The following DENND5B variants were observed in gnomAD, a reference collection of about 807,000 sequenced individuals.
DENND5B encodes DENN domain containing 5B.
In DENND5B, 34 loss-of-function variants were observed where a neutral mutation model predicts 140.6. That is an observed-to-expected ratio of 0.24 (90% CI 0.18 to 0.32). DENND5B has a LOEUF of 0.32. Ranked by LOEUF, DENND5B falls within the 10% of genes least tolerant of loss-of-function variation. The pLI is 1.00. For synonymous variants in DENND5B, 551 were observed against 562.1 expected, an observed-to-expected ratio of 0.98 and a Z score of 0.28; for missense variants, 1,142 against 1,560.2, an observed-to-expected ratio of 0.73 and a Z score of 4.52.
intron 7 of DENND5B, among the ~76,000 whole-genome samples, chr12:31,437,133 C>T (rs989009834): frequency 7.5e-6 from 1 of 132,482 alleles, no homozygotes; most frequent in Admixed American, 9.7e-5. Context: ...TCTACTATAG[C>T]ACCTGCCCCC....
chr12:31,573,687 A>C (rs1339675737), intron 1 of DENND5B, among the ~76,000 whole-genome samples: 1 of 152,226 alleles, frequency 6.6e-6, no homozygotes, highest in African/African-American at 2.4e-5. Flanking sequence ...AAATCTACAG[A>C]AGCTCTGGGG....
chr12:31,413,022 G>C (rs1407975561), intron 13 of DENND5B, among the ~76,000 whole-genome samples: 2 of 152,078 alleles, frequency 1.3e-5, no homozygotes, highest in African/African-American at 4.8e-5. Context: ...CCAAGTTCAA[G>C]TGATTCTCCT....
rs1488924232 is a variant in DENND5B at position 31,386,655 on chromosome 12, G to C, written c.*948C>G. 2 of 152,244 alleles carry C rather than the reference G, an allele frequency of 1.3e-5. No individual in the cohort carries two copies. The highest frequency in any genetic ancestry group is 2.9e-5 in the Non-Finnish European group (2 of 68,066). The allele number at this position is 152,244 out of a possible 1,614,324, so 9.4% of individuals were successfully genotyped here. A position where few individuals can be genotyped will look rare whatever the true frequency, so the allele number is the denominator to read the frequency against. On this transcript the variant is annotated 3_prime_UTR_variant, in exon 21 of 21. Coordinates refer to ENST00000389082, the MANE Select transcript of DENND5B (RefSeq NM_144973.4). ...TTCCCGAGGGGGGATGGGCCCTGGA[G>C]AGGTGGGTGATTAGACCCTAACAAA... is the stretch of plus-strand genomic sequence containing the variant.
Position 31,387,305 on chromosome 12 carries a change from T to A in DENND5B, c.*298A>T, listed in dbSNP as rs1218586717. On this transcript the variant is annotated 3_prime_UTR_variant, in exon 21 of 21. Transcript: ENST00000389082. The stretch of plus-strand genomic sequence containing the variant: ...CCCCCAACATTTTTAAGCTACTTAT[T>A]TTAAGTCACAGGAATATTCAATCTA... The A allele has an allele frequency of 4.6e-6, 1 of 218,482 alleles. No individual in the cohort carries two copies. The highest frequency in any genetic ancestry group is 1.0e-4 in the East Asian group (1 of 10,050). The allele number at this position is 218,482 out of a possible 1,614,324, so 13.5% of individuals were successfully genotyped here. A position where few individuals can be genotyped will look rare whatever the true frequency, so the allele number is the denominator to read the frequency against.
At chr12:31,584,309 T>C (rs1399499432) in intron 1 of DENND5B, among the ~76,000 whole-genome samples, 2 of 152,232 alleles carry the variant, frequency 1.3e-5, no homozygotes, top group Non-Finnish European at 2.9e-5. Context: ...CAGTTGTCTA[T>C]GCTGGTGTGT....
At chr12:31,494,134 TA>T (rs1172941230) in intron 2 of DENND5B, among the ~76,000 whole-genome samples, 3 of 150,770 alleles carry the variant, frequency 2.0e-5, no homozygotes, top group Admixed American at 2.0e-4. Flanking sequence ...ACTATCTCTC[TA>T]TCTTCTATCT....
chr12:31,577,091 A>G (rs534825812), intron 1 of DENND5B, among the ~76,000 whole-genome samples: 3 of 152,340 alleles, frequency 2.0e-5, no homozygotes, highest in South Asian at 2.1e-4. Flanking sequence ...AGAGAAAAAA[A>G]GTACAAAAGC....
intron 1 of DENND5B, among the ~76,000 whole-genome samples, chr12:31,518,733 T>C (rs1947769981): frequency 6.6e-6 from 1 of 151,760 alleles, no homozygotes; most frequent in African/African-American, 2.4e-5. Flanking sequence ...TAGCTAATTT[T>C]CTGGGTTTTT....
intron 12 of DENND5B, among the ~76,000 whole-genome samples, chr12:31,414,685 C>A (rs1942629572): frequency 6.6e-6 from 1 of 152,006 alleles, no homozygotes; most frequent in South Asian, 2.1e-4. Flanking sequence ...GTAATCCCAG[C>A]ACTTTGGACG....
intron 3 of DENND5B, among the ~76,000 whole-genome samples, chr12:31,468,774 T>C (rs553415037): frequency 6.6e-6 from 1 of 152,122 alleles, no homozygotes; most frequent in Non-Finnish European, 1.5e-5. Context: ...ATCGTGCTAC[T>C]GCACTCCAGG....
Position 31,572,554 on chromosome 12 carries a change from A to C in DENND5B, c.127+18152T>G, listed in dbSNP as rs1949864811. Among the ~76,000 whole-genome samples, 4 of 152,152 alleles carry C rather than the reference A, an allele frequency of 2.6e-5. No individual in the cohort carries two copies. The East Asian group carries it at 5.8e-4, about 22-fold the overall frequency. ...TACTCTTTCTCAAAAAAAAAAAAAA[A>C]AAAAAACTCACGAGTTATTAACACA... On this transcript the variant is annotated intron_variant, in intron 1 of 20. Transcript: ENST00000389082.
Position 31,382,460 on chromosome 12 carries a change from TAAAAA to T in DENND5B, c.*5138_*5142del, listed in dbSNP as rs76335051. Reference sequence around the variant, plus strand: ...ATAATTTAAATTCAGAAAAGCTAATTAAAAAAAAGATACACAGGTTACATTTATAC... The same window carrying T: ...ATAATTTAAATTCAGAAAAGCTAATTAAAGATACACAGGTTACATTTATAC... On this transcript the variant is annotated 3_prime_UTR_variant, in exon 21 of 21. Coordinates refer to ENST00000389082, the MANE Select transcript of DENND5B (RefSeq NM_144973.4). 1.6e-4 allele frequency: 24 copies of T among 152,008 alleles called. No individual in the cohort carries two copies. In the East Asian group the frequency reaches 4.4e-3, roughly 28 times the overall value. 9.4% of individuals were successfully genotyped at this position (152,008 alleles called of 1,614,324 possible). A position where few individuals can be genotyped will look rare whatever the true frequency, so the allele number is the denominator to read the frequency against.
chr12:31,522,717 G>A (rs1947944598), intron 1 of DENND5B, among the ~76,000 whole-genome samples: 1 of 152,172 alleles, frequency 6.6e-6, no homozygotes, highest in African/African-American at 2.4e-5. Flanking sequence ...TGGGACTACA[G>A]GTGAGCGACT....
chr12:31,428,386 G>A (rs980465650), intron 8 of DENND5B, among the ~76,000 whole-genome samples: 3 of 151,906 alleles, frequency 2.0e-5, no homozygotes, highest in Non-Finnish European at 2.9e-5. Context: ...ATACATAAAT[G>A]TTATGAGAAC....
At chr12:31,576,719 C>CA (rs563845424) in intron 1 of DENND5B, among the ~76,000 whole-genome samples, 339 of 145,628 alleles carry the variant, frequency 2.3e-3, no homozygotes, top group South Asian at 3.5e-3. Flanking sequence ...CCCATCTCTA[C>CA]AAAAAAAAAA....
At chr12:31,419,264 G>A (rs781191755) in intron 11 of DENND5B, among the ~76,000 whole-genome samples, 5 of 152,062 alleles carry the variant, frequency 3.3e-5, no homozygotes, top group Non-Finnish European at 4.4e-5. Flanking sequence ...TCTTGGCTAC[G>A]AGAATTTGCT....
intron 1 of DENND5B, among the ~76,000 whole-genome samples, chr12:31,504,835 T>C (rs1947131934): frequency 6.6e-6 from 1 of 152,176 alleles, no homozygotes; most frequent in Admixed American, 6.5e-5. Flanking sequence ...TGGGCAGCAA[T>C]GACGTCATTT....
intron 1 of DENND5B, among the ~76,000 whole-genome samples, chr12:31,565,231 A>G (rs1465537095): frequency 6.6e-6 from 1 of 152,094 alleles, no homozygotes; most frequent in African/African-American, 2.4e-5. Context: ...TGTCTCCACA[A>G]AAAAATAAAA....
At position 31,498,968 on chromosome 12, in the gene DENND5B, G is replaced by A. The variant is rs1222837101; in HGVS notation, c.128-3049C>T. On this transcript the variant is annotated intron_variant, in intron 1 of 20. Coordinates refer to ENST00000389082, the MANE Select transcript of DENND5B (RefSeq NM_144973.4). ...AGCCTGGGTGACAGAGTAAGGCTCC[G>A]TCTCAAAAAAAAAAAAAAAAAAGAG... 9.6e-4 allele frequency among the ~76,000 whole-genome samples: 84 copies of A among 87,758 alleles called. 1 individual carries two copies. Among genetic ancestry groups the A allele is most frequent in the African/African-American group, 1.6e-3 (29 of 17,654 alleles). 57.6% of individuals were successfully genotyped at this position (87,758 alleles called of 152,430 possible). A position where few individuals can be genotyped will look rare whatever the true frequency, so the allele number is the denominator to read the frequency against.
Sources: gnomAD v4.1 joint callset for allele counts (sites outside exome capture counted in the v4.1 genomes callset) on GRCh38, gnomAD v4.1.1 for gene constraint, MANE v1.5 for transcripts, NCBI Gene and HGNC (gene_info 2026-07-23, HGNC 2026-07-21) for gene names.